Variants in VPS13C observed in about 807,000 individuals in gnomAD.
VPS13C encodes vacuolar protein sorting 13 homolog C.
Under a neutral mutation model 456.8 loss-of-function variants are expected in VPS13C, and 358 were observed. The ratio of observed to expected loss-of-function variants is 0.78; its 90% CI spans 0.72 to 0.86. The LOEUF is 0.86. VPS13C is among the 40% of genes least tolerant of loss of function. The pLI, the probability that VPS13C is intolerant of heterozygous loss-of-function variation, is 0.00. For missense variants in VPS13C, 4,818 were observed against 4,385.4 expected, an observed-to-expected ratio of 1.10 and a Z score of -2.79; for synonymous variants, 1,578 against 1,486.7, an observed-to-expected ratio of 1.06 and a Z score of -1.41.
intron 37 of VPS13C, among the ~76,000 whole-genome samples, chr15:61,958,387 C>T (rs545428617): frequency 1.3e-4 from 20 of 152,154 alleles, no homozygotes; most frequent in East Asian, 7.7e-4. Flanking sequence ...TCTCAACTCA[C>T]GCAACTTAGA....
At chr15:61,894,667 G>A (rs374979750) in intron 66 of VPS13C, among the ~76,000 whole-genome samples, 1 of 152,088 alleles carries the variant, frequency 6.6e-6, no homozygotes, top group African/African-American at 2.4e-5. Context: ...TGATAAAGAG[G>A]TCAATTCAGA....
At chr15:61,863,639 A>T (rs948736765) in intron 81 of VPS13C, 111 bp from the exon 82 acceptor site, 110 of 634,668 alleles carry the variant, frequency 1.7e-4, no homozygotes, top group Middle Eastern at 5.2e-4. Context: ...TTAATTAGAA[A>T]TAAAAGCACA....
intron 3 of VPS13C, among the ~76,000 whole-genome samples, chr15:62,036,658 T>C (rs1052432648): frequency 6.6e-6 from 1 of 152,144 alleles, no homozygotes; most frequent in Middle Eastern, 3.4e-3. Flanking sequence ...TTGGTGAGCA[T>C]AAGACAGAAA....
intron 24 of VPS13C, among the ~76,000 whole-genome samples, chr15:61,976,445 G>C (rs190645449): frequency 1.4e-4 from 22 of 151,922 alleles, no homozygotes; most frequent in African/African-American, 5.1e-4. Context: ...CAAATCTATA[G>C]TGTCAGAAAG....
In VPS13C at chr15:62,042,368, A is replaced by G. The variant is rs191895471; in HGVS notation, c.145-1002T>C. 5.2e-3 allele frequency among the ~76,000 whole-genome samples: 789 copies of G among 152,304 alleles called. 4 individuals are homozygous for G. Among genetic ancestry groups the G allele is most frequent in the Non-Finnish European group, 7.9e-3 (534 of 68,018 alleles). On this transcript the variant is annotated intron_variant, in intron 2 of 84. Transcript: ENST00000644861. ...GCCTTTCCGTTAGGTTTGACTTACT[A>G]TATAATAACACTATAAAAATCTGAC...
At chr15:61,937,808 G>T (rs369280496) in intron 47 of VPS13C, among the ~76,000 whole-genome samples, 1 of 152,098 alleles carries the variant, frequency 6.6e-6, no homozygotes, top group East Asian at 1.9e-4. Flanking sequence ...TCTCACAGAT[G>T]GCTGCAGAAC....
chr15:61,897,687 T>A (rs1306477596), intron 66 of VPS13C, among the ~76,000 whole-genome samples: 10 of 152,018 alleles, frequency 6.6e-5, no homozygotes, highest in Non-Finnish European at 1.2e-4. Flanking sequence ...TGCAGGATAT[T>A]ATCCAGGAGA....
Position 62,000,544 on chromosome 15 carries a change from C to A in VPS13C, c.1353+20G>T. On this transcript the variant is annotated intron_variant, in intron 16 of 84. Transcript: ENST00000644861. ...CATTAACATGTTTAAAACATAAAAT[C>A]AGCTAATAAAAATGATTACCTCAAC... 6.3e-7 allele frequency: 1 copy of A among 1,597,556 alleles called. No homozygotes were observed. The highest frequency in any genetic ancestry group is 1.2e-5 in the South Asian group (1 of 86,760).
At chr15:61,985,140 A>G (rs1255415534) in intron 18 of VPS13C, 141 bp from the exon 19 acceptor site, 1 of 586,750 alleles carries the variant, frequency 1.7e-6, no homozygotes, top group Non-Finnish European at 2.6e-6. Flanking sequence ...CATGCTCACC[A>G]TAAAGGAAAA....
At chr15:62,005,445 C>T (rs904338138) in intron 15 of VPS13C, among the ~76,000 whole-genome samples, 13 of 152,116 alleles carry the variant, frequency 8.5e-5, no homozygotes, top group South Asian at 2.1e-4. Flanking sequence ...GAATACAGCA[C>T]ACTGATGGGT....
Position 61,890,252 on chromosome 15 carries a change from T to C in VPS13C, c.9254A>G (p.Tyr3085Cys). ...LQAEEMEQAD[Y>C]EITLSLHSLG... ...ACTGTGGAGAGACAAGGTTATTTCA[T>C]AATCAGCCTGTTCCATTTCTTCTGC... Residue 3085 changes from tyrosine to cysteine, a missense_variant, in exon 67 of 85, where the codon TAT becomes TGT. Physicochemically the swap from Tyr to Cys is radical, Grantham distance 194. Transcript: ENST00000644861. The C allele has an allele frequency of 6.2e-7, 1 of 1,614,132 alleles. No homozygotes were observed. Among genetic ancestry groups the C allele is most frequent in the Non-Finnish European group, 8.5e-7 (1 of 1,180,034 alleles).
intron 23 of VPS13C, among the ~76,000 whole-genome samples, chr15:61,977,402 T>G (rs1343968431): frequency 6.6e-6 from 1 of 151,992 alleles, no homozygotes; most frequent in Non-Finnish European, 1.5e-5. Flanking sequence ...AAATACAGAC[T>G]GACAGGATCA....
chr15:61,929,931 C>A (rs1306960523), intron 50 of VPS13C, among the ~76,000 whole-genome samples, 183 bp from the exon 51 acceptor site: 2 of 152,080 alleles, frequency 1.3e-5, no homozygotes, highest in African/African-American at 4.8e-5. Context: ...ATCTCCAAAG[C>A]AAGATATACG....
rs1474276705 is a variant in VPS13C, at chr15:61,977,257, G to A, written c.2291-58C>T. On this transcript the variant is annotated intron_variant, in intron 23 of 84. Coordinates refer to ENST00000644861, the MANE Select transcript of VPS13C (RefSeq NM_020821.3). ...TTTTTACAAACAGCCATGGAACATGGATAAATATTATTTTTAATGAATATT... is the reference window on the plus strand; with the variant it reads ...TTTTTACAAACAGCCATGGAACATGAATAAATATTATTTTTAATGAATATT... The A allele has an allele frequency of 9.1e-6, 9 of 990,412 alleles. No individual in the cohort carries two copies. The South Asian group carries it at 1.6e-4, about 18-fold the overall frequency. 61.4% of individuals were successfully genotyped at this position (990,412 alleles called of 1,614,324 possible).
At chr15:62,020,302 A>G (rs2047415504) in intron 9 of VPS13C, among the ~76,000 whole-genome samples, 177 bp downstream of exon 9, 1 of 152,038 alleles carries the variant, frequency 6.6e-6, no homozygotes, top group South Asian at 2.1e-4. Flanking sequence ...AAATAATTTT[A>G]AAATGTAATA....
At chr15:61,982,919 T>C (rs2045930001) in intron 20 of VPS13C, among the ~76,000 whole-genome samples, 1 of 152,192 alleles carries the variant, frequency 6.6e-6, no homozygotes, top group African/African-American at 2.4e-5. Flanking sequence ...CCCTTGCACT[T>C]TGAAGTTTAG....
chr15:61,911,855 A>G lies in VPS13C; in HGVS notation c.8700T>C (p.Tyr2900=), dbSNP rs754008293. 3 of 1,610,056 alleles carry G rather than the reference A, an allele frequency of 1.9e-6. No individual in the cohort carries two copies. Among genetic ancestry groups the G allele is most frequent in the South Asian group, 1.1e-5 (1 of 89,960 alleles). The change falls in exon 63 of 85, where the codon TAT becomes TAC. Residue 2900 remains tyrosine (Y), a synonymous_variant. Transcript: ENST00000644861. ...AAAATGCTACCTCTGAAGAAGCAAT[A>G]TAGTTCCATTTATTAGTTGGCATTG... ...DGSMPTNKWN[Y]IASSECLPFW... is the part of the protein sequence containing the mutation.
At chr15:61,891,824 C>A (rs2042661216) in intron 66 of VPS13C, among the ~76,000 whole-genome samples, 1 of 152,140 alleles carries the variant, frequency 6.6e-6, no homozygotes, top group Admixed American at 6.5e-5. Context: ...CTCTTTACCA[C>A]AGAAAACCAA....
intron 2 of VPS13C, among the ~76,000 whole-genome samples, chr15:62,041,706 G>C (rs899661200): frequency 5.9e-5 from 9 of 152,032 alleles, no homozygotes; most frequent in Admixed American, 4.6e-4. Context: ...TGTAATCCTA[G>C]CTAATCAGGA....
Sources: gnomAD v4.1 joint callset for allele counts (sites outside exome capture counted in the v4.1 genomes callset) on GRCh38, gnomAD v4.1.1 for gene constraint, MANE v1.5 for transcripts, NCBI Gene and HGNC (gene_info 2026-07-23, HGNC 2026-07-21) for gene names.